The following RSRC1 variants were observed in gnomAD, a reference collection of about 807,000 sequenced individuals.
RSRC1 encodes serine/Arginine-related protein 53.
A neutral mutation model predicts 49.1 loss-of-function variants in RSRC1; 39 were observed. That is an observed-to-expected ratio of 0.79 (90% CI 0.61 to 1.04). RSRC1 has a LOEUF of 1.04. RSRC1 is among the 50% of genes least tolerant of loss of function. RSRC1 has a pLI of 0.00. For synonymous variants in RSRC1, 143 were observed against 130.8 expected, an observed-to-expected ratio of 1.09 and a Z score of -0.63; for missense variants, 388 against 402.4, an observed-to-expected ratio of 0.96 and a Z score of 0.31.
chr3:158,455,179 A>G (rs1210446268), intron 6 of RSRC1, among the ~76,000 whole-genome samples: 1 of 152,030 alleles, frequency 6.6e-6, no homozygotes, highest in Non-Finnish European at 1.5e-5. Context: ...TCCTCTAATC[A>G]TTTTTCTATG....
chr3:158,375,651 CATTT>C (rs1348027903), intron 6 of RSRC1, among the ~76,000 whole-genome samples: 1 of 151,892 alleles, frequency 6.6e-6, no homozygotes, highest in Non-Finnish European at 1.5e-5. Context: ...GAATTAGAAC[CATTT>C]ATTAGGAAGA....
intron 1 of RSRC1, among the ~76,000 whole-genome samples, chr3:158,115,051 A>G (rs1340464623): frequency 3.3e-5 from 5 of 152,046 alleles, no homozygotes; most frequent in Non-Finnish European, 7.4e-5. Context: ...AGGAGTGGTG[A>G]GAGAGGACAT....
At chr3:158,534,382 T>C (rs942990362) in intron 7 of RSRC1, among the ~76,000 whole-genome samples, 1 of 151,706 alleles carries the variant, frequency 6.6e-6, no homozygotes, top group Non-Finnish European at 1.5e-5. Context: ...ATTAGTTTGC[T>C]GCAAAAAACT....
At chr3:158,332,627 T>C (rs1394108174) in intron 5 of RSRC1, among the ~76,000 whole-genome samples, 2 of 152,172 alleles carry the variant, frequency 1.3e-5, no homozygotes. Flanking sequence ...ATTTTCCTTA[T>C]CTTTTAAAGA....
chr3:158,264,881 T>C (rs1003277899), intron 4 of RSRC1, among the ~76,000 whole-genome samples: 1 of 152,258 alleles, frequency 6.6e-6, no homozygotes, highest in African/African-American at 2.4e-5. Flanking sequence ...TTTCTCACTT[T>C]GTATGACCAC....
intron 6 of RSRC1, among the ~76,000 whole-genome samples, chr3:158,406,445 A>T (rs189634526): frequency 9.9e-4 from 151 of 152,222 alleles, no homozygotes; most frequent in African/African-American, 3.4e-3. Context: ...ATGTTATTTA[A>T]AATTCTTAAG....
chr3:158,537,202 A>T lies in RSRC1; in HGVS notation c.759+4A>T, dbSNP rs771809185. The T allele has an allele frequency of 1.9e-6, 3 of 1,544,758 alleles. No homozygotes were observed. The highest frequency in any genetic ancestry group is 1.8e-6 in the Non-Finnish European group (2 of 1,139,492). ...ATCAAGTAAAGAAGTCAAAAAGGTA[A>T]GTTTTTATCCACCCATTATGAGTAA... is the stretch of plus-strand genomic sequence containing the variant. On this transcript the variant is annotated splice_donor_region_variant and intron_variant, in intron 8 of 9. Coordinates refer to ENST00000611884, the MANE Select transcript of RSRC1 (RefSeq NM_001271838.2).
intron 4 of RSRC1, among the ~76,000 whole-genome samples, chr3:158,262,776 C>A (rs971661289): frequency 1.7e-4 from 26 of 151,886 alleles, no homozygotes; most frequent in Non-Finnish European, 1.0e-4. Context: ...AGGTCTCTGA[C>A]ATTAAAAAAA....
chr3:158,292,917 G>C (rs1415497068), intron 4 of RSRC1, among the ~76,000 whole-genome samples: 1 of 152,086 alleles, frequency 6.6e-6, no homozygotes, highest in Non-Finnish European at 1.5e-5. Flanking sequence ...CAAGCTCACA[G>C]GACTATTTTG....
chr3:158,393,332 T>G (rs1373530539), intron 6 of RSRC1, among the ~76,000 whole-genome samples: 1 of 151,594 alleles, frequency 6.6e-6, no homozygotes, highest in Non-Finnish European at 1.5e-5. Flanking sequence ...CTGAATTAAC[T>G]GAAATTGAAA....
intron 4 of RSRC1, among the ~76,000 whole-genome samples, chr3:158,284,745 T>G (rs28781280): frequency 0.12 from 18,310 of 151,946 alleles, 1,365 homozygotes; most frequent in Middle Eastern, 0.2. Flanking sequence ...GGGTTGTTTG[T>G]TTTTTTCTTG....
Position 158,500,701 on chromosome 3 carries a change from G to C in RSRC1, c.653-36391G>C, listed in dbSNP as rs372844765. 1.2e-3 allele frequency among the ~76,000 whole-genome samples: 180 copies of C among 152,216 alleles called. 2 individuals are homozygous for C. The highest frequency in any genetic ancestry group is 2.1e-3 in the Non-Finnish European group (140 of 67,976). ...TCTACAAAAGATCATTCACTGGTGT[G>C]AGTTTAATATCTCCTGTTTCATTTC... On this transcript the variant is annotated intron_variant, in intron 7 of 9. Coordinates refer to ENST00000611884, the MANE Select transcript of RSRC1 (RefSeq NM_001271838.2).
intron 3 of RSRC1, among the ~76,000 whole-genome samples, chr3:158,179,563 G>A (rs1406350832): frequency 6.6e-6 from 1 of 152,084 alleles, no homozygotes; most frequent in Non-Finnish European, 1.5e-5. Flanking sequence ...CTATGTTGTT[G>A]TGTATATCAG....
At chr3:158,356,027 T>C (rs1337580873) in intron 6 of RSRC1, among the ~76,000 whole-genome samples, 12 of 151,908 alleles carry the variant, frequency 7.9e-5, no homozygotes, top group African/African-American at 2.4e-5. Context: ...TATAATAATA[T>C]ACTTTAATAA....
chr3:158,290,524 C>T (rs1726877391), intron 4 of RSRC1, among the ~76,000 whole-genome samples: 2 of 152,110 alleles, frequency 1.3e-5, no homozygotes, highest in African/African-American at 2.4e-5. Flanking sequence ...ATCCGCCCAC[C>T]TTGGCCTCCC....
chr3:158,424,605 G>A (rs1162440303), intron 6 of RSRC1, among the ~76,000 whole-genome samples: 5 of 151,232 alleles, frequency 3.3e-5, no homozygotes, highest in South Asian at 2.1e-4. Flanking sequence ...AAATGAGTTA[G>A]GGAGGATTCC....
At chr3:158,271,303 A>G (rs1725504922) in intron 4 of RSRC1, among the ~76,000 whole-genome samples, 2 of 152,188 alleles carry the variant, frequency 1.3e-5, no homozygotes, top group East Asian at 1.9e-4. Context: ...TGTTTCCTGA[A>G]TTGAGGGAGT....
At chr3:158,383,059 A>G (rs535638577) in intron 6 of RSRC1, among the ~76,000 whole-genome samples, 13 of 152,182 alleles carry the variant, frequency 8.5e-5, no homozygotes, top group Admixed American at 6.6e-5. Flanking sequence ...CTTAAATTTG[A>G]CCTACTAATT....
At chr3:158,515,737 A>C (rs1740483556) in intron 7 of RSRC1, among the ~76,000 whole-genome samples, 1 of 150,102 alleles carries the variant, frequency 6.7e-6, no homozygotes, top group Non-Finnish European at 1.5e-5. Flanking sequence ...CAGGTACACC[A>C]ATCAGACGTA....
Sources: allele counts gnomAD v4.1 joint callset (sites outside exome capture counted in the v4.1 genomes callset), GRCh38; gene constraint gnomAD v4.1.1; transcripts MANE v1.5; gene names NCBI Gene and HGNC (gene_info 2026-07-23, HGNC 2026-07-21).